ST6GALNAC3: variants seen among roughly 807,000 people sequenced by gnomAD.
The protein encoded by ST6GALNAC3 is ST6 N-acetylgalactosaminide alpha-2,6-sialyltransferase 3, also known as alpha-N-acetylgalactosaminide alpha-2,6-sialyltransferase 3.
ST6GALNAC3 carries 25 observed loss-of-function variants against 32.7 expected under a neutral mutation model. That is an observed-to-expected ratio of 0.76 (90% CI 0.56 to 1.07). The LOEUF is 1.07. Among genes scored for constraint, ST6GALNAC3 ranks in the 50% least tolerant of loss-of-function variants. The probability of loss-of-function intolerance (pLI) is 0.00; values close to 1 mark genes in which losing one functional copy is unlikely to be tolerated. For synonymous variants in ST6GALNAC3, 129 were observed against 133.1 expected, an observed-to-expected ratio of 0.97 and a Z score of 0.21; for missense variants, 355 against 382.4, an observed-to-expected ratio of 0.93 and a Z score of 0.60.
chr1:76,351,570 C>T lies in ST6GALNAC3; in HGVS notation c.213+37571C>T, dbSNP rs1484792796. 1.3e-5 allele frequency among the ~76,000 whole-genome samples: 2 copies of T among 151,794 alleles called. 1 individual carries two copies. Among genetic ancestry groups the T allele is most frequent in the Non-Finnish European group, 2.9e-5 (2 of 67,950 alleles). On this transcript the variant is annotated intron_variant, in intron 2 of 4. Transcript: ENST00000328299. ...CTTTGTTAGAGTCTCCATGTTTGCC[C>T]ATTTTGTTCGTTTTTCTGACAGCCT...
chr1:76,267,520 A>G (rs1658601626), intron 1 of ST6GALNAC3, among the ~76,000 whole-genome samples: 1 of 152,252 alleles, frequency 6.6e-6, no homozygotes. Flanking sequence ...GTCTATCTGA[A>G]AATGAAATAC....
intron 1 of ST6GALNAC3, among the ~76,000 whole-genome samples, chr1:76,300,147 A>G (rs1331668996): frequency 6.6e-6 from 1 of 152,038 alleles, no homozygotes; most frequent in Non-Finnish European, 1.5e-5. Context: ...CTTTTGCTGT[A>G]AACTTTTTCT....
chr1:76,336,676 G>GT (rs900395394), intron 2 of ST6GALNAC3, among the ~76,000 whole-genome samples: 1 of 152,098 alleles, frequency 6.6e-6, no homozygotes, highest in Non-Finnish European at 1.5e-5. Context: ...GACATCTCAG[G>GT]TTTTTTCTTC....
chr1:76,607,478 C>A (rs987664874), intron 3 of ST6GALNAC3, among the ~76,000 whole-genome samples: 1 of 152,082 alleles, frequency 6.6e-6, no homozygotes, highest in Admixed American at 6.6e-5. Context: ...CTGAAGCTGT[C>A]TAGGGAGCCC....
intron 1 of ST6GALNAC3, among the ~76,000 whole-genome samples, chr1:76,213,438 T>G (rs1655279801): frequency 6.6e-6 from 1 of 152,232 alleles, no homozygotes; most frequent in Non-Finnish European, 1.5e-5. Context: ...GAAATTTGAT[T>G]GTGGGTTGTT....
At chr1:76,212,342 C>G (rs929144793) in intron 1 of ST6GALNAC3, among the ~76,000 whole-genome samples, 1 of 152,140 alleles carries the variant, frequency 6.6e-6, no homozygotes, top group Non-Finnish European at 1.5e-5. Context: ...TTGGTGTTTT[C>G]TGGACCATGT....
chr1:76,081,993 T>C (rs933135697), intron 1 of ST6GALNAC3, among the ~76,000 whole-genome samples: 1 of 152,120 alleles, frequency 6.6e-6, no homozygotes, highest in African/African-American at 2.4e-5. Context: ...TTAGTACTGA[T>C]AATAGCTGGA....
At chr1:76,152,660 C>G (rs1651119691) in intron 1 of ST6GALNAC3, among the ~76,000 whole-genome samples, 1 of 152,154 alleles carries the variant, frequency 6.6e-6, no homozygotes, top group Non-Finnish European at 1.5e-5. Flanking sequence ...AAGGCCCCCA[C>G]AGTTTCAATT....
In ST6GALNAC3 at chr1:76,509,007, A is replaced by G. The variant is rs541363850; in HGVS notation, c.623+96590A>G. Among the ~76,000 whole-genome samples, 1 of 152,330 alleles carries G rather than the reference A, an allele frequency of 6.6e-6. No homozygotes were observed. Among genetic ancestry groups the G allele is most frequent in the Admixed American group, 6.5e-5 (1 of 15,304 alleles). ...TTTACCAAGTAGGACAGAATAGGCT[A>G]GGTCTGGGATGCTTCTAACATGAGT... is the stretch of plus-strand genomic sequence containing the variant. On this transcript the variant is annotated intron_variant, in intron 3 of 4. Transcript: ENST00000328299. The surrounding 1 kb of genome is among the most constrained non-coding windows in gnomAD (Gnocchi z 5.5).
In ST6GALNAC3 at chr1:76,570,409, C is replaced by T. The variant is rs546215174; in HGVS notation, c.624-57043C>T. 6.6e-5 allele frequency among the ~76,000 whole-genome samples: 10 copies of T among 151,994 alleles called. No homozygotes were observed. The East Asian group carries it at 1.9e-3, about 30-fold the overall frequency. On this transcript the variant is annotated intron_variant, in intron 3 of 4. Coordinates refer to ENST00000328299, the MANE Select transcript of ST6GALNAC3 (RefSeq NM_152996.4). ...TTAGATCTTCAGTAATTTCTCTGTA[C>T]TCCATGCAGCATGTGCAGTTGCTTA...
intron 1 of ST6GALNAC3, among the ~76,000 whole-genome samples, chr1:76,220,595 G>A (rs1470584386): frequency 6.6e-6 from 1 of 152,142 alleles, no homozygotes; most frequent in Non-Finnish European, 1.5e-5. Flanking sequence ...GTGTTTTGAG[G>A]GCACATGGCA....
At chr1:76,301,263 G>A (rs929959394) in intron 1 of ST6GALNAC3, among the ~76,000 whole-genome samples, 3 of 152,104 alleles carry the variant, frequency 2.0e-5, no homozygotes, top group East Asian at 3.9e-4. Context: ...GAGAGGCAGA[G>A]ATCATTAGTT....
intron 3 of ST6GALNAC3, among the ~76,000 whole-genome samples, chr1:76,602,256 G>T (rs1376614467): frequency 6.6e-6 from 1 of 152,096 alleles, no homozygotes; most frequent in Non-Finnish European, 1.5e-5. Context: ...TGTGTCAGTG[G>T]GGAGGCAGAA....
At chr1:76,330,499 T>C (rs1011657704) in intron 2 of ST6GALNAC3, among the ~76,000 whole-genome samples, 5 of 152,212 alleles carry the variant, frequency 3.3e-5, no homozygotes, top group Non-Finnish European at 7.3e-5. Context: ...TCTTCTGACA[T>C]CAAATGTCTT....
intron 1 of ST6GALNAC3, among the ~76,000 whole-genome samples, chr1:76,192,323 T>G (rs1039262097): frequency 2.4e-4 from 36 of 152,294 alleles, no homozygotes; most frequent in Admixed American, 2.0e-4. Flanking sequence ...AAATTTTGCC[T>G]GTAGTCCTGA....
chr1:76,221,049 A>G (rs765643657), intron 1 of ST6GALNAC3, among the ~76,000 whole-genome samples: 8 of 152,168 alleles, frequency 5.3e-5, no homozygotes, highest in Admixed American at 1.3e-4. Context: ...AGCCTGGTGC[A>G]GCCTGGAGAA....
chr1:76,414,809 TCAATA>T (rs1242812827), intron 3 of ST6GALNAC3, among the ~76,000 whole-genome samples: 2 of 152,090 alleles, frequency 1.3e-5, no homozygotes, highest in Non-Finnish European at 2.9e-5. Context: ...AGTCTTAAAA[TCAATA>T]CAATACCATT....
intron 2 of ST6GALNAC3, among the ~76,000 whole-genome samples, chr1:76,324,747 C>T (rs1262600987): frequency 1.3e-5 from 2 of 152,028 alleles, no homozygotes; most frequent in African/African-American, 2.4e-5. Context: ...AAAGTATGGA[C>T]TTGAGTTAAT....
chr1:76,315,829 C>T (rs1646854595), intron 2 of ST6GALNAC3, among the ~76,000 whole-genome samples: 1 of 152,106 alleles, frequency 6.6e-6, no homozygotes, highest in Non-Finnish European at 1.5e-5. Flanking sequence ...ATGAGGTTCC[C>T]AGCTCCAAAT....
Sources: allele counts gnomAD v4.1 joint callset (sites outside exome capture counted in the v4.1 genomes callset), GRCh38; gene constraint gnomAD v4.1.1; non-coding constraint Gnocchi (gnomAD v3.1); transcripts MANE v1.5; gene names NCBI Gene and HGNC (gene_info 2026-07-23, HGNC 2026-07-21).